NBPF4: variants seen among roughly 807,000 people sequenced by gnomAD.
NBPF4 encodes NBPF family member NBPF4.
In NBPF4, 11 loss-of-function variants were observed where a neutral mutation model predicts 21.1. The ratio of observed to expected loss-of-function variants is 0.52; its 90% CI spans 0.33 to 0.86. The LOEUF (loss-of-function observed/expected upper bound fraction) is 0.86, where lower values mean the gene tolerates loss of function less well. Ranked by LOEUF, NBPF4 falls within the 40% of genes least tolerant of loss-of-function variation. The pLI is 0.03. For synonymous variants in NBPF4, 47 were observed against 106.4 expected (o/e 0.44, Z 3.43); for missense variants, 88 against 265.3 (o/e 0.33, Z 4.64).
intron 14 of NBPF4, among the ~76,000 whole-genome samples, chr1:108,226,321 G>C (rs539638026): frequency 6.6e-6 from 1 of 151,540 alleles, no homozygotes; most frequent in African/African-American, 2.4e-5. Context: ...TGGGGATGCA[G>C]CAAGGAAAGG....
At chr1:108,258,554 C>T in the NBPF4 span, among the ~76,000 whole-genome samples, 1,084 of 140,322 alleles carry the variant, frequency 7.7e-3, 103 homozygotes, top group African/African-American at 0.028. Context: ...GGGGGTCCTG[C>T]GTATTTACCA....
In NBPF4 at chr1:108,229,143, C is replaced by T. The variant is rs755198150; in HGVS notation, c.1437G>A (p.Ala479=). 78 of 1,550,466 alleles carry T rather than the reference C, an allele frequency of 5.0e-5. No homozygotes were observed. Among genetic ancestry groups the T allele is most frequent in the Admixed American group, 5.9e-5 (3 of 50,930 alleles). Residue 479 remains alanine, a synonymous_variant, in exon 13 of 15, where the codon GCG becomes GCA. Coordinates refer to ENST00000415641, the MANE Select transcript of NBPF4 (RefSeq NM_001143989.3). ...CACTCCAAGTCCCTTGGGGACAGGC[C>T]GCCTCGGTGGGGGCTGAAAGGAGAA... The part of the protein sequence containing the change: ...SALDVASPTE[A]ACPQGTWSGD...
chr1:108,247,657 T>A (rs1649880600), upstream of NBPF4, among the ~76,000 whole-genome samples: 1 of 150,220 alleles, frequency 6.7e-6, no homozygotes, highest in African/African-American at 2.4e-5. Context: ...TCCAAGTAGG[T>A]GTTTCTCTCC....
intron 14 of NBPF4, among the ~76,000 whole-genome samples, chr1:108,226,305 T>C (rs1050354226): frequency 2.0e-5 from 3 of 151,342 alleles, no homozygotes; most frequent in African/African-American, 7.3e-5. Context: ...AAAGAGGCAA[T>C]GGAGTTGGGG....
At chr1:108,254,422 C>A in the NBPF4 span, among the ~76,000 whole-genome samples, 9 of 2,576 alleles carry the variant, frequency 3.5e-3, no homozygotes, top group Admixed American at 0.02. Flanking sequence ...TCCCCCTGCA[C>A]CCCCAACCCC....
chr1:108,229,100 G>A lies in NBPF4; in HGVS notation c.1480C>T (p.Gln494Ter), dbSNP rs756968371. The change falls in exon 13 of 15, where the codon CAG becomes TAG. Residue 494 changes from glutamine to a stop codon, truncating the protein, a stop_gained. Coordinates refer to ENST00000415641, the MANE Select transcript of NBPF4 (RefSeq NM_001143989.3). LOFTEE classifies it high-confidence loss of function. The part of the protein sequence containing the change: ...GTWSGDLSHH[Q>*]SEVQVSQAQL... ...GCCTGTGAAACTTGCACCTCTGACT[G>A]GTGGTGGCTCAAGTCTCCACTCCAA... 3.2e-6 allele frequency: 5 copies of A among 1,550,952 alleles called. No homozygotes were observed. The South Asian group carries it at 3.6e-5, about 11-fold the overall frequency.
At chr1:108,258,802 T>A in the NBPF4 span, among the ~76,000 whole-genome samples, 1 of 90,238 alleles carries the variant, frequency 1.1e-5, no homozygotes, top group Non-Finnish European at 2.1e-5. Flanking sequence ...TAAAATTTAG[T>A]ATTCAATAAT....
Position 108,222,655 on chromosome 1 carries a change from CAAA to C in NBPF4, c.*1047_*1049del, listed in dbSNP as rs1372944706. On this transcript the variant is annotated 3_prime_UTR_variant, in exon 15 of 15. Coordinates refer to ENST00000415641, the MANE Select transcript of NBPF4 (RefSeq NM_001143989.3). ...TTTGGGCAGGGAATGATCTTTTTTA[CAAA>C]GAATGCCAGCAAAAGCAAGTATAAG... 6.6e-6 allele frequency among the ~76,000 whole-genome samples: 1 copy of C among 152,024 alleles called. No individual in the cohort carries two copies. Among genetic ancestry groups the C allele is most frequent in the Non-Finnish European group, 1.5e-5 (1 of 67,996 alleles).
At chr1:108,257,527 A>G in the NBPF4 span, among the ~76,000 whole-genome samples, 349 of 148,522 alleles carry the variant, frequency 2.3e-3, 1 homozygote, top group African/African-American at 8.1e-3. Context: ...GGTACACACT[A>G]ATTTTTATAT....
chr1:108,266,497 TG>T, the NBPF4 span, among the ~76,000 whole-genome samples: 2 of 111,578 alleles, frequency 1.8e-5, no homozygotes, highest in Admixed American at 1.0e-4. Context: ...TTTAGTTTCC[TG>T]GGTTTGAAGT....
the NBPF4 span, among the ~76,000 whole-genome samples, chr1:108,257,647 T>G: frequency 3.5e-5 from 5 of 143,710 alleles, 1 homozygote; most frequent in African/African-American, 1.1e-4. Context: ...ACATACATTT[T>G]TAAATATTTT....
At chr1:108,229,586 AG>A (rs1649608425) in intron 12 of NBPF4, among the ~76,000 whole-genome samples, 1 of 143,272 alleles carries the variant, frequency 7.0e-6, no homozygotes, top group African/African-American at 2.6e-5. Context: ...ACCACGAAAA[AG>A]GGGGCTGGGA....
At chr1:108,258,424 T>C in the NBPF4 span, among the ~76,000 whole-genome samples, 1 of 139,490 alleles carries the variant, frequency 7.2e-6, no homozygotes, top group African/African-American at 2.7e-5. Flanking sequence ...TACATTTCAA[T>C]TGTGCATTGG....
the NBPF4 span, among the ~76,000 whole-genome samples, chr1:108,256,289 CAAA>C: frequency 1.3e-5 from 2 of 148,386 alleles, no homozygotes; most frequent in Non-Finnish European, 3.0e-5. Flanking sequence ...TTTATTTTTT[CAAA>C]AAATTAACTC....
chr1:108,268,376 T>A, the NBPF4 span, among the ~76,000 whole-genome samples: 1 of 151,910 alleles, frequency 6.6e-6, no homozygotes, highest in African/African-American at 2.4e-5. Flanking sequence ...AGTAAGAAAG[T>A]TTCCAATTTA....
chr1:108,229,467 G>C (rs1409477920), intron 12 of NBPF4, among the ~76,000 whole-genome samples: 1 of 151,874 alleles, frequency 6.6e-6, no homozygotes, highest in Non-Finnish European at 1.5e-5. Flanking sequence ...GTGCCCAGAG[G>C]GAAAGTTCTA....
At chr1:108,264,165 C>G in the NBPF4 span, among the ~76,000 whole-genome samples, 7 of 148,502 alleles carry the variant, frequency 4.7e-5, no homozygotes, top group Non-Finnish European at 7.4e-5. Flanking sequence ...AAGATGAACA[C>G]AGACTCAAAG....
chr1:108,267,915 ATTTG>A, the NBPF4 span, among the ~76,000 whole-genome samples: 206 of 110,660 alleles, frequency 1.9e-3, no homozygotes, highest in Middle Eastern at 0.014. Flanking sequence ...TATAGAGGTT[ATTTG>A]TTTGTTTGTT....
At chr1:108,259,648 G>A in the NBPF4 span, among the ~76,000 whole-genome samples, 1 of 144,670 alleles carries the variant, frequency 6.9e-6, no homozygotes, top group Non-Finnish European at 1.5e-5. Flanking sequence ...TGAGGCAGGA[G>A]GATCACTGGA....
Sources: allele counts gnomAD v4.1 joint callset (sites outside exome capture counted in the v4.1 genomes callset), GRCh38; gene constraint gnomAD v4.1.1; transcripts MANE v1.5; gene names NCBI Gene and HGNC (gene_info 2026-07-23, HGNC 2026-07-21).